The following ADAM32 variants were observed in gnomAD, a reference collection of about 807,000 sequenced individuals.
ADAM32 encodes ADAM metallopeptidase domain 32.
In ADAM32, 89 loss-of-function variants were observed where a neutral mutation model predicts 114.9. The ratio of observed to expected loss-of-function variants is 0.77; its 90% CI spans 0.65 to 0.92. The LOEUF is 0.92. ADAM32 is among the 40% of genes least tolerant of loss of function. The pLI is 0.00. For missense variants in ADAM32, 870 were observed against 932.8 expected, an observed-to-expected ratio of 0.93 and a Z score of 0.88; for synonymous variants, 285 against 307.5, an observed-to-expected ratio of 0.93 and a Z score of 0.77.
chr8:39,155,885 A>G (rs932468733), intron 6 of ADAM32, among the ~76,000 whole-genome samples: 5 of 152,068 alleles, frequency 3.3e-5, no homozygotes, highest in East Asian at 3.9e-4. Context: ...TTACAATAAC[A>G]TCTTAAATTT....
intron 19 of ADAM32, among the ~76,000 whole-genome samples, chr8:39,266,437 A>T (rs1812358980): frequency 6.6e-6 from 1 of 152,154 alleles, no homozygotes; most frequent in African/African-American, 2.4e-5. Flanking sequence ...TTCTTTCCTC[A>T]GCATGGTCTA....
At chr8:39,228,573 G>T (rs551509173) in intron 14 of ADAM32, among the ~76,000 whole-genome samples, 1 of 152,202 alleles carries the variant, frequency 6.6e-6, no homozygotes, top group South Asian at 2.1e-4. Flanking sequence ...ACAAGTAGAA[G>T]AAAGAAATTC....
intron 10 of ADAM32, among the ~76,000 whole-genome samples, chr8:39,174,665 C>T (rs767994471): frequency 8.5e-6 from 1 of 117,798 alleles, no homozygotes; most frequent in South Asian, 3.5e-4. Flanking sequence ...CCCCCTCCCC[C>T]GACCCCACAA....
At chr8:39,144,283 G>A (rs1346469604) in intron 3 of ADAM32, among the ~76,000 whole-genome samples, 1 of 152,234 alleles carries the variant, frequency 6.6e-6, no homozygotes, top group East Asian at 1.9e-4. Context: ...TGGAAATGCA[G>A]AAATCACTGC....
chr8:39,279,484 A>C (rs577702173), intron 22 of ADAM32, among the ~76,000 whole-genome samples: 1 of 152,256 alleles, frequency 6.6e-6, no homozygotes, highest in Non-Finnish European at 1.5e-5. Context: ...GGGTTTCACC[A>C]TCTTGGCCAG....
chr8:39,185,501 A>G (rs1806178680), intron 10 of ADAM32, among the ~76,000 whole-genome samples: 1 of 152,182 alleles, frequency 6.6e-6, no homozygotes, highest in African/African-American at 2.4e-5. Flanking sequence ...AACAGGTTTC[A>G]CACAGTAGAT....
At chr8:39,192,325 A>G (rs560608514) in intron 11 of ADAM32, among the ~76,000 whole-genome samples, 11 of 152,290 alleles carry the variant, frequency 7.2e-5, no homozygotes, top group African/African-American at 2.6e-4. Flanking sequence ...GCCTGAAATT[A>G]GGACTGCAAC....
At chr8:39,151,721 T>C (rs765418896) in intron 6 of ADAM32, among the ~76,000 whole-genome samples, 173 bp downstream of exon 6, 2 of 147,396 alleles carry the variant, frequency 1.4e-5, no homozygotes, top group Non-Finnish European at 3.0e-5. Context: ...TGGAGTGCAG[T>C]GGACTGATCA....
intron 2 of ADAM32, among the ~76,000 whole-genome samples, chr8:39,132,846 GCTTC>G (rs1181309773): frequency 6.6e-6 from 1 of 151,666 alleles, no homozygotes; most frequent in East Asian, 1.9e-4. Flanking sequence ...TATTAATGCA[GCTTC>G]CTTGTATGTG....
chr8:39,234,229 ATAG>A, intron 16 of ADAM32, 147 bp downstream of exon 16: 1 of 628,210 alleles, frequency 1.6e-6, no homozygotes. Flanking sequence ...TAGTCTCCAA[ATAG>A]TAAGAGGGAA....
At position 39,270,913 on chromosome 8, in the gene ADAM32, C is replaced by G. The variant is rs868793917; in HGVS notation, c.2200C>G (p.Gln734Glu). 12 of 1,608,170 alleles carry G rather than the reference C, an allele frequency of 7.5e-6. No homozygotes were observed. The highest frequency in any genetic ancestry group is 1.0e-5 in the Non-Finnish European group (12 of 1,176,556). ...SEGSTQTYASQSSSEGSTQTY... is the reference protein window; with the variant it reads ...SEGSTQTYASESSSEGSTQTY... ...AGGTAGCACACAGACATATGCCAGC[C>G]AGTAAGTAGTTTAGAAGGTGTTTTT... Residue 734 changes from glutamine to glutamate, a missense_variant and splice_region_variant, in exon 20 of 25, where the codon CAA (glutamine) becomes GAA (glutamate). By Grantham distance (29) the Gln-to-Glu change is conservative. Coordinates refer to ENST00000379907, the MANE Select transcript of ADAM32 (RefSeq NM_145004.7).
At position 39,283,109 on chromosome 8, in the gene ADAM32, A is replaced by C. The variant is rs887436791; in HGVS notation, c.2319-477A>C. Among the ~76,000 whole-genome samples, 11 of 152,246 alleles carry C rather than the reference A, an allele frequency of 7.2e-5. No individual in the cohort carries two copies. The South Asian group carries it at 2.3e-3, about 32-fold the overall frequency. On this transcript the variant is annotated intron_variant, in intron 23 of 24. Coordinates refer to ENST00000379907, the MANE Select transcript of ADAM32 (RefSeq NM_145004.7). ...AAATAAGGAATCTGTGTATATAAAA[A>C]TGGAAAAGACTGGGTGTGGTGGCTC...
At chr8:39,152,302 A>G (rs1362118795) in intron 6 of ADAM32, among the ~76,000 whole-genome samples, 1 of 152,226 alleles carries the variant, frequency 6.6e-6, no homozygotes, top group African/African-American at 2.4e-5. Context: ...TGCTTACACA[A>G]GCAATTGTGA....
chr8:39,108,068 G>C (rs1045112333), intron 1 of ADAM32: 5 of 488,032 alleles, frequency 1.0e-5, no homozygotes, highest in Non-Finnish European at 1.7e-5. Flanking sequence ...CTGATTGTTT[G>C]ACCTCGGAGT....
At chr8:39,239,863 C>T (rs1810440072) in intron 16 of ADAM32, among the ~76,000 whole-genome samples, 1 of 151,732 alleles carries the variant, frequency 6.6e-6, no homozygotes, top group African/African-American at 2.4e-5. Context: ...GGGACTAGTC[C>T]AATAGGAAAA....
At chr8:39,239,978 G>T (rs1182869477) in intron 16 of ADAM32, among the ~76,000 whole-genome samples, 1 of 152,162 alleles carries the variant, frequency 6.6e-6, no homozygotes, top group African/African-American at 2.4e-5. Flanking sequence ...CACAATAATA[G>T]TGGGGATTTC....
intron 2 of ADAM32, among the ~76,000 whole-genome samples, chr8:39,119,573 T>G (rs1188592966): frequency 2.0e-5 from 3 of 152,256 alleles, no homozygotes; most frequent in Non-Finnish European, 2.9e-5. Context: ...TATTTATTTT[T>G]GAGTTCTATG....
chr8:39,233,762 G>T (rs756289357), intron 15 of ADAM32, 137 bp from the exon 16 acceptor site: 80 of 541,320 alleles, frequency 1.5e-4, no homozygotes, highest in Non-Finnish European at 2.2e-4. Context: ...CTTTGTTACC[G>T]TGAAAACATT....
intron 2 of ADAM32, among the ~76,000 whole-genome samples, chr8:39,135,619 TTTG>T (rs755415898): frequency 3.5e-4 from 54 of 152,186 alleles, no homozygotes; most frequent in Non-Finnish European, 1.8e-4. Flanking sequence ...TACTGTCCAT[TTTG>T]TTCCGGGATC....
Sources: allele counts gnomAD v4.1 joint callset (sites outside exome capture counted in the v4.1 genomes callset), GRCh38; gene constraint gnomAD v4.1.1; transcripts MANE v1.5; gene names NCBI Gene and HGNC (gene_info 2026-07-23, HGNC 2026-07-21).